The following ATP8A2 variants were observed in gnomAD, a reference collection of about 807,000 sequenced individuals.
ATP8A2 encodes phospholipid-transporting ATPase IB.
Under a neutral mutation model 165.6 loss-of-function variants are expected in ATP8A2, and 100 were observed. The ratio of observed to expected loss-of-function variants is 0.60; its 90% CI spans 0.51 to 0.71. ATP8A2 has a LOEUF of 0.71. Ranked by LOEUF, ATP8A2 falls within the 30% of genes least tolerant of loss-of-function variation. The pLI is 0.00. For synonymous variants in ATP8A2, 543 were observed against 548.8 expected, an observed-to-expected ratio of 0.99 and a Z score of 0.15; for missense variants, 1,227 against 1,479.5, an observed-to-expected ratio of 0.83 and a Z score of 2.80.
At chr13:25,468,856 C>T in intron 1 of ATP8A2, 121 bp from the exon 2 acceptor site, 11 of 1,466,068 alleles carry the variant, frequency 7.5e-6, no homozygotes, top group South Asian at 1.4e-5. Flanking sequence ...TAGGCGGCGT[C>T]CGCCTCACCC....
At chr13:25,513,020 C>T (rs1376614192) in intron 2 of ATP8A2, among the ~76,000 whole-genome samples, 2 of 148,790 alleles carry the variant, frequency 1.3e-5, no homozygotes, top group Middle Eastern at 3.5e-3. Flanking sequence ...TGACCCCCCC[C>T]ACCTCCCTCC....
intron 33 of ATP8A2, among the ~76,000 whole-genome samples, chr13:25,915,627 A>G (rs1172458827): frequency 6.6e-6 from 1 of 152,102 alleles, no homozygotes; most frequent in Non-Finnish European, 1.5e-5. Context: ...AGCGCTTCCC[A>G]CTGGGAGGAC....
chr13:25,879,277 C>T (rs948806171), intron 33 of ATP8A2, among the ~76,000 whole-genome samples: 7 of 152,218 alleles, frequency 4.6e-5, no homozygotes, highest in Admixed American at 2.0e-4. Flanking sequence ...AAGGTGGCTA[C>T]TGAGAGGGAC....
chr13:25,916,995 C>T (rs1954287392), intron 33 of ATP8A2, among the ~76,000 whole-genome samples: 1 of 152,140 alleles, frequency 6.6e-6, no homozygotes, highest in East Asian at 1.9e-4. Flanking sequence ...GCACCAACAT[C>T]CTTATCATCA....
At chr13:25,999,641 C>A (rs1180576491) in intron 35 of ATP8A2, among the ~76,000 whole-genome samples, 1 of 152,120 alleles carries the variant, frequency 6.6e-6, no homozygotes, top group Non-Finnish European at 1.5e-5. Flanking sequence ...GGCGAGGTCA[C>A]CTTAAAGACT....
chr13:25,726,140 G>A (rs1159616889), intron 25 of ATP8A2, among the ~76,000 whole-genome samples: 1 of 152,188 alleles, frequency 6.6e-6, no homozygotes, highest in African/African-American at 2.4e-5. Flanking sequence ...TAAAGAGAAT[G>A]ATTTTGTAAA....
At chr13:25,963,466 T>C (rs1955710303) in intron 34 of ATP8A2, among the ~76,000 whole-genome samples, 1 of 152,120 alleles carries the variant, frequency 6.6e-6, no homozygotes, top group South Asian at 2.1e-4. Flanking sequence ...TGTTATTTGC[T>C]CTTTCAGCCA....
Position 26,022,503 on chromosome 13 carries a change from G to T in ATP8A2, c.*2518G>T, listed in dbSNP as rs1957095438. On this transcript the variant is annotated 3_prime_UTR_variant, in exon 37 of 37. Coordinates refer to ENST00000381655, the MANE Select transcript of ATP8A2 (RefSeq NM_016529.6). ...TTGAGAAGTAGACTAAACAATATTT[G>T]CAGTGATGACAGACGCACACAGAAG... 2 of 152,296 alleles carry T rather than the reference G, an allele frequency of 1.3e-5. No homozygotes were observed. Among genetic ancestry groups the T allele is most frequent in the South Asian group, 2.1e-4 (1 of 4,822 alleles). 9.4% of individuals were successfully genotyped at this position (152,296 alleles called of 1,614,324 possible). A position where few individuals can be genotyped will look rare whatever the true frequency, so the allele number is the denominator to read the frequency against.
chr13:25,745,661 C>T (rs747024206), intron 25 of ATP8A2, among the ~76,000 whole-genome samples: 5 of 152,124 alleles, frequency 3.3e-5, no homozygotes, highest in Non-Finnish European at 7.3e-5. Context: ...AATATGAATT[C>T]AGCCAAGATA....
chr13:25,909,878 A>G (rs1485456320), intron 33 of ATP8A2, among the ~76,000 whole-genome samples: 2 of 152,162 alleles, frequency 1.3e-5, no homozygotes, highest in Non-Finnish European at 2.9e-5. Context: ...TAGGAACCCC[A>G]TACAGGTGCA....
chr13:25,775,834 A>T (rs1183067016), intron 27 of ATP8A2, among the ~76,000 whole-genome samples: 1 of 152,232 alleles, frequency 6.6e-6, no homozygotes, highest in Non-Finnish European at 1.5e-5. Context: ...CAAGGAAGAA[A>T]TCAACTTTTT....
At chr13:25,392,802 G>A (rs559005753) in intron 1 of ATP8A2, among the ~76,000 whole-genome samples, 111 of 151,996 alleles carry the variant, frequency 7.3e-4, no homozygotes, top group Non-Finnish European at 1.4e-3. Flanking sequence ...TAAGCCGGGC[G>A]TGGTGGCTCA....
intron 27 of ATP8A2, among the ~76,000 whole-genome samples, chr13:25,815,249 A>G (rs766850847): frequency 7.2e-5 from 11 of 152,234 alleles, no homozygotes; most frequent in Non-Finnish European, 1.3e-4. Flanking sequence ...TTCTATCAAC[A>G]GAGTGAAAAG....
intron 24 of ATP8A2, among the ~76,000 whole-genome samples, chr13:25,640,827 C>T (rs1402186526): frequency 1.3e-5 from 2 of 152,136 alleles, no homozygotes; most frequent in Non-Finnish European, 2.9e-5. Context: ...ACCAATATCC[C>T]TGATGAACAT....
At chr13:25,787,019 G>A (rs1392878055) in intron 27 of ATP8A2, among the ~76,000 whole-genome samples, 1 of 152,214 alleles carries the variant, frequency 6.6e-6, no homozygotes, top group Non-Finnish European at 1.5e-5. Flanking sequence ...TTGGCCTCAA[G>A]TGATCCACCT....
intron 2 of ATP8A2, among the ~76,000 whole-genome samples, chr13:25,479,120 A>G (rs1234125678): frequency 6.6e-6 from 1 of 152,322 alleles, no homozygotes; most frequent in Non-Finnish European, 1.5e-5. Flanking sequence ...TACTGGGATT[A>G]CAGGCATGAG....
intron 25 of ATP8A2, among the ~76,000 whole-genome samples, chr13:25,713,659 T>C (rs2043197700): frequency 6.6e-6 from 1 of 152,252 alleles, no homozygotes; most frequent in South Asian, 2.1e-4. Flanking sequence ...CTAAGGATTA[T>C]TTCAAATGCA....
At chr13:25,747,645 T>G (rs1290698683) in intron 25 of ATP8A2, among the ~76,000 whole-genome samples, 1 of 151,956 alleles carries the variant, frequency 6.6e-6, no homozygotes, top group Non-Finnish European at 1.5e-5. Context: ...ATACAATGCG[T>G]GGGGAGGGGT....
intron 27 of ATP8A2, among the ~76,000 whole-genome samples, chr13:25,807,782 T>C (rs953936767): frequency 6.6e-6 from 1 of 152,186 alleles, no homozygotes; most frequent in East Asian, 1.9e-4. Context: ...ATGTTACTTC[T>C]TTTCCTGTGC....
Sources: allele counts gnomAD v4.1 joint callset (sites outside exome capture counted in the v4.1 genomes callset), GRCh38; gene constraint gnomAD v4.1.1; transcripts MANE v1.5; gene names NCBI Gene and HGNC (gene_info 2026-07-23, HGNC 2026-07-21).